Variants in COL21A1 observed in about 807,000 individuals in gnomAD.
COL21A1 encodes collagen alpha-1(XXI) chain.
A neutral mutation model predicts 137.9 loss-of-function variants in COL21A1; 149 were observed. The observed-to-expected ratio is 1.08, with a 90% CI of 0.95 to 1.24. COL21A1 has a LOEUF of 1.24. Among genes scored for constraint, COL21A1 ranks in the 50% most tolerant of loss-of-function variants. COL21A1 has a pLI of 0.00. For missense variants in COL21A1, 1,167 were observed against 1,158.4 expected, an observed-to-expected ratio of 1.01 and a Z score of -0.11; for synonymous variants, 456 against 391.5, an observed-to-expected ratio of 1.16 and a Z score of -1.95.
At chr6:56,247,048 T>A (rs12195991) in intron 1 of COL21A1, among the ~76,000 whole-genome samples, 7,693 of 152,198 alleles carry the variant, frequency 0.051, 262 homozygotes, top group Middle Eastern at 0.11. Context: ...CTGGAGACCC[T>A]TCCAAGAAGC....
At chr6:56,349,337 C>T (rs370947430) in intron 1 of COL21A1, among the ~76,000 whole-genome samples, 45 of 113,494 alleles carry the variant, frequency 4.0e-4, no homozygotes, top group African/African-American at 8.1e-4. Context: ...CATAAAGACC[C>T]GCCCCCCTGA....
chr6:56,092,304 G>A (rs1011896067), intron 17 of COL21A1, among the ~76,000 whole-genome samples: 8 of 152,022 alleles, frequency 5.3e-5, no homozygotes, highest in Admixed American at 3.9e-4. Flanking sequence ...AAAAATAAGC[G>A]AAGTAATTGA....
chr6:56,128,178 T>G (rs982621426), intron 12 of COL21A1, among the ~76,000 whole-genome samples: 2 of 152,180 alleles, frequency 1.3e-5, no homozygotes, highest in African/African-American at 4.8e-5. Context: ...TTGCTTGTTT[T>G]TGGTTAAGCT....
intron 10 of COL21A1, among the ~76,000 whole-genome samples, chr6:56,147,347 T>A (rs1188401754): frequency 6.6e-6 from 1 of 151,320 alleles, no homozygotes; most frequent in Non-Finnish European, 1.5e-5. Flanking sequence ...AATGACAAGG[T>A]TGGGGGGTTG....
At chr6:56,332,323 G>A (rs932978616) in intron 1 of COL21A1, among the ~76,000 whole-genome samples, 2 of 151,958 alleles carry the variant, frequency 1.3e-5, no homozygotes, top group Non-Finnish European at 2.9e-5. Flanking sequence ...TTTAATCAGT[G>A]TTTTGTAGTT....
At chr6:56,384,304 C>T (rs1373579001) in intron 1 of COL21A1, among the ~76,000 whole-genome samples, 1 of 152,202 alleles carries the variant, frequency 6.6e-6, no homozygotes, top group Non-Finnish European at 1.5e-5. Flanking sequence ...ATTGCACAGG[C>T]CTTGACCATG....
At chr6:56,328,187 C>G (rs911612082) in intron 1 of COL21A1, among the ~76,000 whole-genome samples, 6 of 152,040 alleles carry the variant, frequency 3.9e-5, no homozygotes, top group African/African-American at 1.4e-4. Flanking sequence ...GTAAACTTGT[C>G]TTTTCACAGT....
intron 7 of COL21A1, among the ~76,000 whole-genome samples, chr6:56,166,348 G>T (rs1004606418): frequency 6.6e-6 from 1 of 152,064 alleles, no homozygotes; most frequent in Non-Finnish European, 1.5e-5. Context: ...CATAGTCATA[G>T]ACGACGGGGA....
intron 1 of COL21A1, among the ~76,000 whole-genome samples, chr6:56,389,143 T>C (rs543804341): frequency 6.6e-6 from 1 of 152,110 alleles, no homozygotes; most frequent in East Asian, 1.9e-4. Flanking sequence ...CAGTGGATCA[T>C]CTGAGGTCAG....
At chr6:56,145,817 T>G (rs1774790816) in intron 10 of COL21A1, among the ~76,000 whole-genome samples, 1 of 152,024 alleles carries the variant, frequency 6.6e-6, no homozygotes, top group African/African-American at 2.4e-5. Context: ...AGTATTTAAG[T>G]CTTTTCCATG....
In COL21A1 at chr6:56,305,804, T is replaced by G. The variant is rs1308590074; in HGVS notation, c.-39+88167A>C. Among the ~76,000 whole-genome samples the G allele has an allele frequency of 1.8e-3, 274 of 151,366 alleles. 1 individual carries two copies. Among genetic ancestry groups the G allele is most frequent in the African/African-American group, 6.5e-3 (269 of 41,388 alleles). Reference sequence around the variant, plus strand: ...GATGTTAGCTGGTTATTTTGCTTATTAGTTGATGCAGTTTCTTCCTAGCCT... The same window carrying G: ...GATGTTAGCTGGTTATTTTGCTTATGAGTTGATGCAGTTTCTTCCTAGCCT... On this transcript the variant is annotated intron_variant, in intron 1 of 28. Coordinates refer to the COL21A1 transcript ENST00000370819.
chr6:56,385,743 C>T (rs1333648647), intron 1 of COL21A1, among the ~76,000 whole-genome samples: 1 of 150,886 alleles, frequency 6.6e-6, no homozygotes, highest in Non-Finnish European at 1.5e-5. Flanking sequence ...CAGCTCCTGA[C>T]AACCCTCAAT....
chr6:56,150,065 CA>C (rs1218634470), intron 10 of COL21A1, among the ~76,000 whole-genome samples: 1 of 152,132 alleles, frequency 6.6e-6, no homozygotes, highest in African/African-American at 2.4e-5. Flanking sequence ...AACCTTCCCC[CA>C]ACCAGTACTT....
chr6:56,096,015 T>C (rs1769288609), intron 17 of COL21A1, among the ~76,000 whole-genome samples: 1 of 152,102 alleles, frequency 6.6e-6, no homozygotes, highest in East Asian at 1.9e-4. Context: ...CCTGGCTGAT[T>C]TTTTTATTTT....
chr6:56,175,822 A>G (rs1777425216), intron 3 of COL21A1, among the ~76,000 whole-genome samples: 1 of 152,226 alleles, frequency 6.6e-6, no homozygotes, highest in Admixed American at 6.5e-5. Context: ...CAAACAGTCA[A>G]AACAATCTTG....
intron 5 of COL21A1, among the ~76,000 whole-genome samples, chr6:56,170,245 A>T (rs1200816843): frequency 3.3e-5 from 5 of 151,892 alleles, no homozygotes; most frequent in African/African-American, 1.2e-4. Context: ...TGTAAAACAG[A>T]CCAATATGGA....
intron 1 of COL21A1, among the ~76,000 whole-genome samples, chr6:56,268,017 C>G (rs997964060): frequency 6.6e-6 from 1 of 152,172 alleles, no homozygotes; most frequent in Non-Finnish European, 1.5e-5. Context: ...CCCAGCACAA[C>G]TGGAGCTAGA....
chr6:56,139,429 T>C (rs1373421587), intron 12 of COL21A1, among the ~76,000 whole-genome samples: 2 of 152,064 alleles, frequency 1.3e-5, no homozygotes, highest in African/African-American at 4.8e-5. Flanking sequence ...GCCTATAATC[T>C]ATAATCTGTA....
intron 1 of COL21A1, among the ~76,000 whole-genome samples, chr6:56,374,017 C>G (rs1465460775): frequency 6.6e-6 from 1 of 152,180 alleles, no homozygotes; most frequent in African/African-American, 2.4e-5. Flanking sequence ...CTTAGCCACC[C>G]TATTTTAAAA....
Sources: allele counts gnomAD v4.1 joint callset (sites outside exome capture counted in the v4.1 genomes callset), GRCh38; gene constraint gnomAD v4.1.1; transcripts MANE v1.5; gene names NCBI Gene and HGNC (gene_info 2026-07-23, HGNC 2026-07-21).